MIPEP: variants seen among roughly 807,000 people sequenced by gnomAD.
MIPEP encodes mitochondrial intermediate peptidase.
In MIPEP, 79 loss-of-function variants were observed where a neutral mutation model predicts 90.3. The observed-to-expected ratio is 0.87, with a 90% CI of 0.73 to 1.05. The LOEUF (loss-of-function observed/expected upper bound fraction) is 1.05. Ranked by LOEUF, MIPEP falls within the 50% of genes least tolerant of loss-of-function variation. MIPEP has a pLI of 0.00. For synonymous variants in MIPEP, 334 were observed against 315.8 expected (o/e 1.06, Z -0.61); for missense variants, 940 against 905.6 (o/e 1.04, Z -0.49).
chr13:23,854,632 C>T (rs1174299835), intron 10 of MIPEP, among the ~76,000 whole-genome samples: 2 of 152,120 alleles, frequency 1.3e-5, no homozygotes, highest in African/African-American at 2.4e-5. Flanking sequence ...TGGCTCATGC[C>T]TGTAATCCCA....
At chr13:23,796,054 A>ATT (rs1250034484) in intron 16 of MIPEP, among the ~76,000 whole-genome samples, 1 of 152,136 alleles carries the variant, frequency 6.6e-6, no homozygotes, top group Non-Finnish European at 1.5e-5. Context: ...ATCTTCATAT[A>ATT]TTATATATAT....
In MIPEP at chr13:23,730,320, T is replaced by C; in HGVS notation, c.*28A>G. On this transcript the variant is annotated 3_prime_UTR_variant, in exon 19 of 19. Transcript: ENST00000382172. The stretch of plus-strand genomic sequence containing the variant: ...TAACAAAGTCATTATCTACATGACC[T>C]TGATTTAAGAGGTGTAGAGTGTTTC... The C allele has an allele frequency of 3.5e-6, 5 of 1,441,584 alleles. No homozygotes were observed. Among genetic ancestry groups the C allele is most frequent in the Non-Finnish European group, 4.9e-6 (5 of 1,029,316 alleles). 89.3% of individuals were successfully genotyped at this position (1,441,584 alleles called of 1,614,324 possible).
chr13:23,788,223 T>G (rs1310525009), intron 16 of MIPEP, among the ~76,000 whole-genome samples: 1 of 152,270 alleles, frequency 6.6e-6, no homozygotes, highest in African/African-American at 2.4e-5. Flanking sequence ...TATACTTTCC[T>G]ATCAGTTTTT....
Position 23,870,140 on chromosome 13 carries a change from A to G in MIPEP, c.659T>C (p.Leu220Pro). The change falls in exon 6 of 19, where the codon CTT (leucine) becomes CCT (proline). Residue 220 changes from leucine to proline, a missense_variant. Leu to Pro is a moderately conservative substitution (Grantham distance 98). Coordinates refer to ENST00000382172, the MANE Select transcript of MIPEP (RefSeq NM_005932.4). ...CTTGTTGGGAAAATTGGTTCCCATA[A>G]GAAATGTACTACTCAAATCCAAGAT... ...VKILDLSSTF[L>P]MGTNFPNKIE... 6.2e-7 allele frequency: 1 copy of G among 1,612,252 alleles called. No homozygotes were observed. The highest frequency in any genetic ancestry group is 8.5e-7 in the Non-Finnish European group (1 of 1,179,096).
chr13:23,769,753 G>A (rs1203846228), intron 16 of MIPEP, among the ~76,000 whole-genome samples: 1 of 152,154 alleles, frequency 6.6e-6, no homozygotes, highest in Non-Finnish European at 1.5e-5. Context: ...TGTCACATAC[G>A]GCTGCTATGG....
chr13:23,829,357 A>G (rs1378661284), intron 14 of MIPEP, among the ~76,000 whole-genome samples: 2 of 152,182 alleles, frequency 1.3e-5, no homozygotes, highest in Non-Finnish European at 2.9e-5. Context: ...TCTATAAAAA[A>G]TATAAAAATT....
chr13:23,822,478 G>A (rs528986849), intron 14 of MIPEP, among the ~76,000 whole-genome samples: 3 of 152,326 alleles, frequency 2.0e-5, no homozygotes, highest in Non-Finnish European at 4.4e-5. Flanking sequence ...CAAGCATTTA[G>A]CTAATTGATT....
At chr13:23,845,138 T>C (rs1412320160) in intron 10 of MIPEP, among the ~76,000 whole-genome samples, 1 of 152,198 alleles carries the variant, frequency 6.6e-6, no homozygotes, top group South Asian at 2.1e-4. Flanking sequence ...CGCAATTTTA[T>C]TTAACATAAA....
chr13:23,758,386 T>C (rs770746333), intron 17 of MIPEP, among the ~76,000 whole-genome samples: 17 of 152,212 alleles, frequency 1.1e-4, no homozygotes, highest in Admixed American at 3.3e-4. Context: ...GCATTTTTAC[T>C]AGCTTACTTT....
intron 13 of MIPEP, among the ~76,000 whole-genome samples, chr13:23,836,703 T>C (rs1869066691): frequency 6.6e-6 from 1 of 152,382 alleles, no homozygotes; most frequent in South Asian, 2.1e-4. Flanking sequence ...TTTAATTCAC[T>C]AAATTCCATT....
intron 10 of MIPEP, among the ~76,000 whole-genome samples, chr13:23,855,381 C>A (rs2137489995): frequency 6.6e-6 from 1 of 152,012 alleles, no homozygotes; most frequent in Middle Eastern, 3.4e-3. Flanking sequence ...TTTAGATGAA[C>A]ATTAAAAACT....
chr13:23,888,889 G>A (rs1871656004), intron 1 of MIPEP: 2 of 566,700 alleles, frequency 3.5e-6, no homozygotes, highest in South Asian at 8.6e-5. Flanking sequence ...CGTGGAGCAA[G>A]GGGCTCATGC....
chr13:23,864,039 C>A, intron 8 of MIPEP, 102 bp downstream of exon 8: 1 of 679,222 alleles, frequency 1.5e-6, no homozygotes, highest in Non-Finnish European at 2.5e-6. Context: ...TATGCCAAAA[C>A]TTATATTCTA....
chr13:23,849,773 T>A (rs991589371), intron 10 of MIPEP, among the ~76,000 whole-genome samples: 1 of 152,238 alleles, frequency 6.6e-6, no homozygotes, highest in Non-Finnish European at 1.5e-5. Context: ...GAAGAATTCA[T>A]CATTGTAAAC....
rs546103847 is a variant in MIPEP at position 23,827,075 on chromosome 13, C to G, written c.1653+9165G>C. 1.7e-3 allele frequency among the ~76,000 whole-genome samples: 262 copies of G among 152,302 alleles called. 1 individual carries two copies. The highest frequency in any genetic ancestry group is 6.0e-3 in the African/African-American group (250 of 41,552). ...GTACACAGGTTAAATGCAAATACTA[C>G]ACCCTTTCATAAAAGGGACTTGAGC... On this transcript the variant is annotated intron_variant, in intron 14 of 18. Transcript: ENST00000382172.
chr13:23,792,800 TAGAGA>T (rs1952912375), intron 16 of MIPEP, among the ~76,000 whole-genome samples: 1 of 152,174 alleles, frequency 6.6e-6, no homozygotes. Flanking sequence ...TCATCCAGAT[TAGAGA>T]AAACTTACAC....
At chr13:23,799,197 A>G (rs1469934334) in intron 16 of MIPEP, among the ~76,000 whole-genome samples, 2 of 150,448 alleles carry the variant, frequency 1.3e-5, no homozygotes, top group South Asian at 2.1e-4. Context: ...TTTAGTAGAG[A>G]CAGGGTTTCA....
intron 14 of MIPEP, among the ~76,000 whole-genome samples, chr13:23,819,550 A>C (rs1953280812): frequency 6.6e-6 from 1 of 152,282 alleles, no homozygotes; most frequent in Admixed American, 6.5e-5. Context: ...AATTTGTTGC[A>C]ATTTTTTCTT....
At chr13:23,743,233 C>G (rs1952349873) in intron 18 of MIPEP, among the ~76,000 whole-genome samples, 1 of 151,818 alleles carries the variant, frequency 6.6e-6, no homozygotes. Context: ...CAAACTCAGC[C>G]TACTGATTAA....
Sources: gnomAD v4.1 joint callset for allele counts (sites outside exome capture counted in the v4.1 genomes callset) on GRCh38, gnomAD v4.1.1 for gene constraint, MANE v1.5 for transcripts, NCBI Gene and HGNC (gene_info 2026-07-23, HGNC 2026-07-21) for gene names.